ST18: variants seen among roughly 807,000 people sequenced by gnomAD.
ST18 encodes ST18 C2H2C-type zinc finger transcription factor, also known as suppression of tumorigenicity 18 protein.
Under a neutral mutation model 110.0 loss-of-function variants are expected in ST18, and 50 were observed. The ratio of observed to expected loss-of-function variants is 0.45; its 90% CI spans 0.36 to 0.58. ST18 has a LOEUF of 0.58. Among genes scored for constraint, ST18 ranks in the 20% least tolerant of loss-of-function variants. ST18 has a pLI of 0.00. For missense variants in ST18, 1,306 were observed against 1,280.1 expected (o/e 1.02, Z -0.31); for synonymous variants, 461 against 452.4 (o/e 1.02, Z -0.24).
chr8:52,360,143 G>A (rs1188866287), intron 2 of ST18, among the ~76,000 whole-genome samples: 1 of 151,964 alleles, frequency 6.6e-6, no homozygotes, highest in Non-Finnish European at 1.5e-5. Flanking sequence ...GCTACTTTGT[G>A]CCAAAGTTTA....
intron 9 of ST18, among the ~76,000 whole-genome samples, chr8:52,174,693 C>T (rs889051971): frequency 1.3e-5 from 2 of 152,136 alleles, no homozygotes; most frequent in Middle Eastern, 3.2e-3. Flanking sequence ...TTGTTTGGTT[C>T]AACTGTTTGT....
chr8:52,216,193 C>T (rs1395881528), intron 6 of ST18, among the ~76,000 whole-genome samples: 1 of 152,202 alleles, frequency 6.6e-6, no homozygotes, highest in Non-Finnish European at 1.5e-5. Flanking sequence ...ATCTTCTTTA[C>T]ACCGGCTTTA....
In ST18 at chr8:52,126,152, GAAATTGTACT is replaced by G; in HGVS notation, c.2667-22_2667-13del. On this transcript the variant is annotated splice_polypyrimidine_tract_variant and intron_variant, in intron 22 of 25. Coordinates refer to ENST00000689386, the MANE Select transcript of ST18 (RefSeq NM_001352837.2). The stretch of plus-strand genomic sequence containing the variant: ...GACATCCAGATAAGCTGTGAAAATA[GAAATTGTACT>G]AATGTATGAAATGTATATGATTTCT... 6.2e-7 allele frequency: 1 copy of G among 1,608,074 alleles called. No homozygotes were observed.
intron 2 of ST18, among the ~76,000 whole-genome samples, chr8:52,354,868 C>A (rs1224102633): frequency 6.6e-6 from 1 of 152,218 alleles, no homozygotes; most frequent in Non-Finnish European, 1.5e-5. Context: ...GGTGCTAGAG[C>A]ACAAATATGG....
At chr8:52,120,963 C>A (rs1305580235) in intron 23 of ST18, among the ~76,000 whole-genome samples, 3 of 152,074 alleles carry the variant, frequency 2.0e-5, no homozygotes, top group Admixed American at 6.5e-5. Flanking sequence ...AGGAATCAAC[C>A]CTGACTGCTT....
In ST18 at chr8:52,142,914, A is replaced by G. The variant is rs2055755943; in HGVS notation, c.2168+16T>C. 1 of 1,559,232 alleles carries G rather than the reference A, an allele frequency of 6.4e-7. No homozygotes were observed. Among genetic ancestry groups the G allele is most frequent in the Non-Finnish European group, 8.8e-7 (1 of 1,131,478 alleles). On this transcript the variant is annotated intron_variant, in intron 17 of 25. Transcript: ENST00000689386. ...ATTCCAGAATCTTAGAGGGCATGGC[A>G]TTGGGCACCACTTACGTGATTAGTT... is the stretch of plus-strand genomic sequence containing the variant.
rs556155813 is a variant in ST18 at position 52,180,430 on chromosome 8, T to C, written c.87-118A>G. The C allele has an allele frequency of 1.4e-5, 16 of 1,109,660 alleles. 1 individual carries two copies. In the East Asian group the frequency reaches 2.2e-4, roughly 15 times the overall value. 68.7% of individuals were successfully genotyped at this position (1,109,660 alleles called of 1,614,324 possible). ...GAAACTTGGGACTAGAGGTTTAGGG[T>C]TGGTTACTGGCACTAACAAAAACAT... On this transcript the variant is annotated intron_variant, in intron 8 of 25. Coordinates refer to ENST00000689386, the MANE Select transcript of ST18 (RefSeq NM_001352837.2).
At chr8:52,360,809 G>A (rs1340619054) in intron 2 of ST18, among the ~76,000 whole-genome samples, 2 of 152,094 alleles carry the variant, frequency 1.3e-5, no homozygotes, top group African/African-American at 2.4e-5. Context: ...AGTTTTTTGA[G>A]TTTTACAAAG....
In ST18 at chr8:52,214,245, C is replaced by CAG. The variant is rs2083295004; in HGVS notation, c.12_13insCT (p.Ala5LeufsTer21). 6.2e-7 allele frequency: 1 copy of CAG among 1,613,916 alleles called. No homozygotes were observed. Among genetic ancestry groups the CAG allele is most frequent in the African/African-American group, 1.3e-5 (1 of 74,926 alleles). On this transcript the variant is annotated frameshift_variant, in exon 7 of 26. Coordinates refer to ENST00000689386, the MANE Select transcript of ST18 (RefSeq NM_001352837.2). LOFTEE classifies it high-confidence loss of function. ...CGAGTACGCAGCGTTTTATCTTCAG[C>CAG]CTCTGCATCCATCTATAACATGAAC...
Position 52,159,025 on chromosome 8 carries a change from G to C in ST18, c.1679C>G (p.Ser560Cys), listed in dbSNP as rs987299372. 3 of 1,614,180 alleles carry C rather than the reference G, an allele frequency of 1.9e-6. No individual in the cohort carries two copies. The African/African-American group carries it at 4.0e-5, about 22-fold the overall frequency. Residue 560 changes from serine to cysteine, a missense_variant, in exon 15 of 26, where the codon TCT becomes TGT. Transcript: ENST00000689386. ...TTCACTACATTGACCGTAGCTATAA[G>C]AGCTGGCACGGCCAGGGCTCTGGGT... Reference protein sequence around the residue: ...AHTQSPGRASSYSYGQCSEDT... With the variant: ...AHTQSPGRASCYSYGQCSEDT...
At chr8:52,279,614 T>C (rs2095337423) in intron 2 of ST18, among the ~76,000 whole-genome samples, 1 of 152,032 alleles carries the variant, frequency 6.6e-6, no homozygotes, top group Non-Finnish European at 1.5e-5. Context: ...GAATACTTAA[T>C]AAAGACACAA....
chr8:52,404,514 G>A (rs963947552), intron 2 of ST18: 4 of 152,410 alleles, frequency 2.6e-5, no homozygotes, highest in East Asian at 3.9e-4. Context: ...GATAAAGAAG[G>A]AAGGAGGAAA....
intron 2 of ST18, among the ~76,000 whole-genome samples, chr8:52,355,610 C>T (rs1822356250): frequency 6.6e-6 from 1 of 152,274 alleles, no homozygotes; most frequent in South Asian, 2.1e-4. Context: ...TTTTGGAATT[C>T]GGTCAAAAAC....
chr8:52,378,281 T>G (rs1833169624), intron 2 of ST18, among the ~76,000 whole-genome samples: 1 of 152,158 alleles, frequency 6.6e-6, no homozygotes, highest in Non-Finnish European at 1.5e-5. Context: ...AAATGATACA[T>G]GTTTAAAGTA....
At chr8:52,230,275 A>G (rs1245291400) in intron 2 of ST18, among the ~76,000 whole-genome samples, 198 bp from the exon 3 acceptor site, 1 of 152,180 alleles carries the variant, frequency 6.6e-6, no homozygotes, top group African/African-American at 2.4e-5. Flanking sequence ...CTCTGTCTTA[A>G]CAAGAAAAAC....
At chr8:52,314,090 G>C (rs969353731) in intron 2 of ST18, among the ~76,000 whole-genome samples, 1 of 152,138 alleles carries the variant, frequency 6.6e-6, no homozygotes, top group African/African-American at 2.4e-5. Context: ...GGGGTAGCAG[G>C]GCCCACCATT....
chr8:52,241,496 T>C (rs138715933), intron 2 of ST18, among the ~76,000 whole-genome samples: 159 of 152,390 alleles, frequency 1.0e-3, no homozygotes, highest in African/African-American at 3.6e-3. Context: ...TAGAGGGTGC[T>C]GTGCAAACCT....
At chr8:52,207,859 C>T (rs1035085011) in intron 8 of ST18, among the ~76,000 whole-genome samples, 6 of 152,146 alleles carry the variant, frequency 3.9e-5, no homozygotes, top group African/African-American at 1.4e-4. Flanking sequence ...TTTGCCAATG[C>T]AAGAGACAAT....
intron 8 of ST18, among the ~76,000 whole-genome samples, chr8:52,190,861 T>A (rs984182832): frequency 6.6e-6 from 1 of 152,178 alleles, no homozygotes; most frequent in Non-Finnish European, 1.5e-5. Context: ...AGATGGAAGA[T>A]AAGTCGAACG....
Sources: allele counts gnomAD v4.1 joint callset (sites outside exome capture counted in the v4.1 genomes callset), GRCh38; gene constraint gnomAD v4.1.1; transcripts MANE v1.5; gene names NCBI Gene and HGNC (gene_info 2026-07-23, HGNC 2026-07-21).